C2orf72: variants seen among roughly 807,000 people sequenced by gnomAD.
C2orf72 encodes the protein uncharacterized protein C2orf72.
Under a neutral mutation model 14.4 loss-of-function variants are expected in C2orf72, and 16 were observed. The ratio of observed to expected loss-of-function variants is 1.11; its 90% CI spans 0.75 to 1.69. The LOEUF (loss-of-function observed/expected upper bound fraction) is 1.69, where lower values mean the gene tolerates loss of function less well. Ranked by LOEUF, C2orf72 falls within the 40% of genes most tolerant of loss-of-function variation. The pLI, the probability that C2orf72 is intolerant of heterozygous loss-of-function variation, is 0.00. For synonymous variants in C2orf72, 168 were observed against 176.8 expected, an observed-to-expected ratio of 0.95 and a Z score of 0.40; for missense variants, 371 against 358.3, an observed-to-expected ratio of 1.04 and a Z score of -0.29.
At chr2:231,042,956 G>A (rs909897241) in intron 2 of C2orf72, among the ~76,000 whole-genome samples, 2 of 152,244 alleles carry the variant, frequency 1.3e-5, no homozygotes, top group Non-Finnish European at 1.5e-5. Flanking sequence ...GTGAGCCAAG[G>A]TTGTGCCATT....
Position 231,037,707 on chromosome 2 carries a change from C to A in C2orf72, c.142C>A (p.Leu48Met). ...GTGGGAGCGCGAACAGAGCCGCGCGCTGCTGCGGGACTTCGCACGGGCGGT... is the reference window on the plus strand; with the variant it reads ...GTGGGAGCGCGAACAGAGCCGCGCGATGCTGCGGGACTTCGCACGGGCGGT... The part of the protein sequence containing the change: ...ELWEREQSRA[L>M]LRDFARAVFP... Residue 48 changes from leucine (L) to methionine (M), a missense_variant, in exon 1 of 3, where the codon CTG (leucine) becomes ATG (methionine). Leu to Met is a conservative substitution (Grantham distance 15). Around this residue, in one of 3 missense-constraint regions of C2orf72, gnomAD observed 214 missense variants for 178.7 expected, o/e 1.20. Transcript: ENST00000373640. 9.7e-7 allele frequency: 1 copy of A among 1,033,228 alleles called. No homozygotes were observed. 64.0% of individuals were successfully genotyped at this position (1,033,228 alleles called of 1,614,324 possible). A position where few individuals can be genotyped will look rare whatever the true frequency, so the allele number is the denominator to read the frequency against.
At position 231,047,119 on chromosome 2, in the gene C2orf72, C is replaced by T. The variant is rs761326889; in HGVS notation, c.*98C>T. ...GTCTCCATGGAGACTGCAGAAACCC[C>T]CGCCTGCTGGAGGCCTGCCACACTC... On this transcript the variant is annotated 3_prime_UTR_variant, in exon 3 of 3. Transcript: ENST00000373640. The T allele has an allele frequency of 1.7e-5, 24 of 1,453,420 alleles. 1 individual carries two copies. The African/African-American group carries it at 1.7e-4, about 10-fold the overall frequency. 90.0% of individuals were successfully genotyped at this position (1,453,420 alleles called of 1,614,324 possible).
chr2:231,041,725 G>A (rs1269304948), intron 2 of C2orf72, among the ~76,000 whole-genome samples: 1 of 152,066 alleles, frequency 6.6e-6, no homozygotes, highest in Non-Finnish European at 1.5e-5. Flanking sequence ...AAGTCTCCCT[G>A]GAGGGTCCAG....
intron 2 of C2orf72, 56 bp from the exon 3 acceptor site, chr2:231,046,826 T>A (rs1257759277): frequency 5.4e-6 from 8 of 1,495,274 alleles, no homozygotes; most frequent in Non-Finnish European, 7.2e-6. Flanking sequence ...CCTTCCTAGA[T>A]AACTCACTCA....
intron 1 of C2orf72, 168 bp from the exon 2 acceptor site, chr2:231,041,128 G>A (rs887013090): frequency 4.7e-5 from 25 of 528,018 alleles, no homozygotes; most frequent in Admixed American, 7.1e-5. Flanking sequence ...TTTAAAGTTC[G>A]GTTTTAAAAA....
At chr2:231,044,932 T>C (rs1693391367) in intron 2 of C2orf72, among the ~76,000 whole-genome samples, 1 of 132,780 alleles carries the variant, frequency 7.5e-6, no homozygotes, top group Non-Finnish European at 1.5e-5. Context: ...TACGTGTGTG[T>C]GTATATATAT....
intron 2 of C2orf72, among the ~76,000 whole-genome samples, chr2:231,045,764 C>T (rs992801946): frequency 6.6e-6 from 1 of 152,092 alleles, no homozygotes; most frequent in Non-Finnish European, 1.5e-5. Context: ...GTGATCTGTC[C>T]GCCTTGACCT....
chr2:231,037,998 G>A lies in C2orf72; in HGVS notation c.433G>A (p.Val145Met), dbSNP rs1295861221. The stretch of plus-strand genomic sequence containing the variant: ...GCGGGCCGGGGCGGCGCTGGTCGGG[G>A]TGCTGGTGGCCGAGGCCGGGCCAGA... ...RRRAGAALVG[V>M]LVAEAGPEDA... The change falls in exon 1 of 3, where the codon GTG (valine) becomes ATG (methionine). Residue 145 changes from valine (V) to methionine (M), a missense_variant. Coordinates refer to ENST00000373640, the MANE Select transcript of C2orf72 (RefSeq NM_001144994.2). 1.9e-6 allele frequency: 2 copies of A among 1,045,288 alleles called. No individual in the cohort carries two copies. The highest frequency in any genetic ancestry group is 2.3e-6 in the Non-Finnish European group (2 of 872,464). The allele number at this position is 1,045,288 out of a possible 1,614,324, so 64.8% of individuals were successfully genotyped here.
chr2:231,043,359 A>C (rs1362131136), intron 2 of C2orf72, among the ~76,000 whole-genome samples: 2 of 152,152 alleles, frequency 1.3e-5, no homozygotes, highest in African/African-American at 4.8e-5. Context: ...GGGCTGTCTT[A>C]GAATTCTGCC....
intron 2 of C2orf72, among the ~76,000 whole-genome samples, chr2:231,041,785 G>A (rs537574840): frequency 1.3e-5 from 2 of 152,130 alleles, no homozygotes; most frequent in East Asian, 1.9e-4. Flanking sequence ...AGGGATTTTC[G>A]TAGGCAGAAA....
At chr2:231,042,424 A>G (rs1185408154) in intron 2 of C2orf72, among the ~76,000 whole-genome samples, 4 of 152,226 alleles carry the variant, frequency 2.6e-5, no homozygotes, top group Admixed American at 1.3e-4. Flanking sequence ...ATTTAACAAT[A>G]TATAACAAAA....
At chr2:231,041,037 A>AG (rs11458515) in intron 1 of C2orf72, 133,377 of 322,760 alleles carry the variant, frequency 0.41, 33,240 homozygotes, top group African/African-American at 0.79. Context: ...TCATTGCTTT[A>AG]TTTCCTCAAC....
rs1244668998 is a variant in C2orf72 at position 231,048,140 on chromosome 2, C to T, written c.*1119C>T. The T allele has an allele frequency of 6.6e-6, 1 of 152,328 alleles. No homozygotes were observed. Among genetic ancestry groups the T allele is most frequent in the Non-Finnish European group, 1.5e-5 (1 of 68,030 alleles). The allele number at this position is 152,328 out of a possible 1,614,324, so 9.4% of individuals were successfully genotyped here. Reference sequence around the variant, plus strand: ...AGTCTGACAGAATCGATGATGTTCCCTTAGAGCTGGGAAATCCATGTGTTT... The same window carrying T: ...AGTCTGACAGAATCGATGATGTTCCTTTAGAGCTGGGAAATCCATGTGTTT... On this transcript the variant is annotated 3_prime_UTR_variant, in exon 3 of 3. Coordinates refer to ENST00000373640, the MANE Select transcript of C2orf72 (RefSeq NM_001144994.2).
chr2:231,037,593 G>A lies in C2orf72; in HGVS notation c.28G>A (p.Ala10Thr), dbSNP rs1239320840. The change falls in exon 1 of 3, where the codon GCC (alanine) becomes ACC (threonine). Residue 10 changes from alanine (A) to threonine (T), a missense_variant. This residue lies in a region of C2orf72 where 214 missense variants were observed against 178.7 expected (regional missense o/e 1.20). Transcript: ENST00000373640. ...GGAGCGCGAGCTGGAGGCGCTGGCG[G>A]CCCGGCTTGCGCGCCCTGCCGAGCC... is the stretch of plus-strand genomic sequence containing the variant. MERELEALAARLARPAEPPF... is the reference protein window; with the variant it reads MERELEALATRLARPAEPPF... 2 of 1,068,438 alleles carry A rather than the reference G, an allele frequency of 1.9e-6. No individual in the cohort carries two copies. Among genetic ancestry groups the A allele is most frequent in the Admixed American group, 5.4e-5 (1 of 18,354 alleles). The allele number at this position is 1,068,438 out of a possible 1,614,324, so 66.2% of individuals were successfully genotyped here. A position where few individuals can be genotyped will look rare whatever the true frequency, so the allele number is the denominator to read the frequency against.
intron 1 of C2orf72, among the ~76,000 whole-genome samples, chr2:231,040,772 T>C (rs1201867552): frequency 6.6e-6 from 1 of 152,216 alleles, no homozygotes; most frequent in Non-Finnish European, 1.5e-5. Context: ...CTCTTTACCT[T>C]TGGGTGCGGG....
Position 231,038,121 on chromosome 2 carries a change from C to T in C2orf72, c.556C>T (p.Pro186Ser), listed in dbSNP as rs1198356883. The T allele has an allele frequency of 8.5e-7, 1 of 1,174,498 alleles. No individual in the cohort carries two copies. The highest frequency in any genetic ancestry group is 4.2e-5 in the South Asian group (1 of 23,842). The allele number at this position is 1,174,498 out of a possible 1,614,324, so 72.8% of individuals were successfully genotyped here. Residue 186 changes from proline (P) to serine (S), a missense_variant, in exon 1 of 3, where the codon CCC becomes TCC. By Grantham distance (74) the Pro-to-Ser change is moderately conservative. Around this residue, in one of 3 missense-constraint regions of C2orf72, gnomAD observed 145 missense variants for 149.4 expected, o/e 0.97. Transcript: ENST00000373640. ...GCCCGTGCAGGCGGCCGCCTACTGC[C>T]CCGGCCTCCCGGCCTCCTGCCTGGC... is the stretch of plus-strand genomic sequence containing the variant. Reference protein sequence around the residue: ...GGPVQAAAYCPGLPASCLAVQ... With the variant: ...GGPVQAAAYCSGLPASCLAVQ...
In C2orf72 at chr2:231,037,883, G is replaced by C. The variant is rs1204359229; in HGVS notation, c.318G>C (p.Leu106=). Residue 106 remains leucine, a synonymous_variant, in exon 1 of 3, where the codon CTG becomes CTC. Coordinates refer to ENST00000373640, the MANE Select transcript of C2orf72 (RefSeq NM_001144994.2). ...CGGCGCGCGCCATCCGCTCGCCGCTGGTCTTCGTGCTGTGCCGCGCGTCGT... is the reference window on the plus strand; with the variant it reads ...CGGCGCGCGCCATCCGCTCGCCGCTCGTCTTCGTGCTGTGCCGCGCGTCGT... ...AAAARAIRSP[L]VFVLCRASSL... 2 of 990,810 alleles carry C rather than the reference G, an allele frequency of 2.0e-6. No homozygotes were observed. The highest frequency in any genetic ancestry group is 3.5e-5 in the African/African-American group (2 of 56,462). 61.4% of individuals were successfully genotyped at this position (990,810 alleles called of 1,614,324 possible). A position where few individuals can be genotyped will look rare whatever the true frequency, so the allele number is the denominator to read the frequency against.
rs572573516 is a variant in C2orf72 at position 231,039,690 on chromosome 2, C to T, written c.634+1491C>T. 2.6e-5 allele frequency among the ~76,000 whole-genome samples: 4 copies of T among 152,026 alleles called. No homozygotes were observed. In the South Asian group the frequency reaches 8.3e-4, roughly 32 times the overall value. On this transcript the variant is annotated intron_variant, in intron 1 of 2. Transcript: ENST00000373640. Reference sequence around the variant, plus strand: ...TGTTTCAACCCCTTTGCTGACCAGGCCTCCAATAGAAAGAAGGGAATTCAC... The same window carrying T: ...TGTTTCAACCCCTTTGCTGACCAGGTCTCCAATAGAAAGAAGGGAATTCAC...
chr2:231,039,331 A>C (rs1434629137), intron 1 of C2orf72, among the ~76,000 whole-genome samples: 10 of 151,234 alleles, frequency 6.6e-5, no homozygotes, highest in Non-Finnish European at 8.9e-5. Context: ...TAAAAAAAAA[A>C]AAAAAAAAGA....
Sources: allele counts gnomAD v4.1 joint callset (sites outside exome capture counted in the v4.1 genomes callset), GRCh38; gene constraint gnomAD v4.1.1; regional missense constraint gnomAD v4.1.1; transcripts MANE v1.5; gene names NCBI Gene and HGNC (gene_info 2026-07-23, HGNC 2026-07-21).